FER1L6: variants seen among roughly 807,000 people sequenced by gnomAD.
The protein encoded by FER1L6 is fer-1-like protein 6.
In FER1L6, 177 loss-of-function variants were observed where a neutral mutation model predicts 219.2. The observed-to-expected ratio is 0.81, with a 90% CI of 0.71 to 0.91. FER1L6 has a LOEUF of 0.91. Among genes scored for constraint, FER1L6 ranks in the 40% least tolerant of loss-of-function variants. FER1L6 has a pLI of 0.00. For missense variants in FER1L6, 2,153 were observed against 2,259.9 expected, an observed-to-expected ratio of 0.95 and a Z score of 0.96; for synonymous variants, 768 against 824.3, an observed-to-expected ratio of 0.93 and a Z score of 1.17.
chr8:123,898,781 G>GTATATACATAGATACA (rs201509499), intron 1 of FER1L6, among the ~76,000 whole-genome samples: 1 of 135,844 alleles, frequency 7.4e-6, no homozygotes, highest in African/African-American at 2.9e-5. Flanking sequence ...GTATATATAC[G>GTATATACATAGATACA]TATGTACATA....
At chr8:124,016,206 C>T (rs1200299394) in intron 15 of FER1L6, among the ~76,000 whole-genome samples, 1 of 152,178 alleles carries the variant, frequency 6.6e-6, no homozygotes, top group Non-Finnish European at 1.5e-5. Flanking sequence ...CCTTCTGCCA[C>T]AAGAAAAGGC....
intron 1 of FER1L6, among the ~76,000 whole-genome samples, chr8:123,898,516 G>A (rs1400885866): frequency 6.6e-6 from 1 of 151,498 alleles, no homozygotes; most frequent in Admixed American, 6.6e-5. Flanking sequence ...CCTCATGTCA[G>A]TGAGAACATA....
chr8:124,011,214 A>G (rs1817905264), intron 14 of FER1L6, among the ~76,000 whole-genome samples: 1 of 152,084 alleles, frequency 6.6e-6, no homozygotes, highest in Non-Finnish European at 1.5e-5. Context: ...CTTCGCAGCC[A>G]CCCACCATGC....
intron 1 of FER1L6, among the ~76,000 whole-genome samples, chr8:123,859,434 C>A (rs1239831749): frequency 6.6e-6 from 1 of 152,018 alleles, no homozygotes; most frequent in Non-Finnish European, 1.5e-5. Flanking sequence ...ATCTTAGCAA[C>A]TTTGAATTCC....
intron 31 of FER1L6, among the ~76,000 whole-genome samples, chr8:124,072,868 T>G (rs1821136033): frequency 6.6e-6 from 1 of 152,220 alleles, no homozygotes; most frequent in African/African-American, 2.4e-5. Flanking sequence ...ACTTGGGTTT[T>G]GGGAGAAACA....
intron 40 of FER1L6, among the ~76,000 whole-genome samples, 163 bp downstream of exon 40, chr8:124,119,107 A>G (rs973509550): frequency 3.5e-4 from 53 of 152,236 alleles, no homozygotes; most frequent in African/African-American, 1.1e-3. Flanking sequence ...TTCGAAGAAA[A>G]AGCTAAATAT....
chr8:123,979,041 T>C (rs1213914998), intron 10 of FER1L6, among the ~76,000 whole-genome samples: 4 of 152,222 alleles, frequency 2.6e-5, no homozygotes, highest in Non-Finnish European at 5.9e-5. Flanking sequence ...TCCTTTTCAA[T>C]ACAATATTCT....
In FER1L6 at chr8:124,118,885, A is replaced by G; in HGVS notation, c.5331A>G (p.Glu1777=). 3.1e-6 allele frequency: 5 copies of G among 1,614,044 alleles called. No individual in the cohort carries two copies. Among genetic ancestry groups the G allele is most frequent in the Non-Finnish European group, 4.2e-6 (5 of 1,179,958 alleles). ...AGTTCCACCTAGTTACAGCAGAAGA[A>G]GCTGAGAAAAATCCTGTTGGAAAAG... The part of the protein sequence containing the change: ...EAEFHLVTAE[E]AEKNPVGKAR... The change falls in exon 40 of 41, where the codon GAA becomes GAG. Residue 1777 remains glutamate, a synonymous_variant. Coordinates refer to ENST00000522917, the MANE Select transcript of FER1L6 (RefSeq NM_001039112.2).
At chr8:123,970,713 G>A (rs779206687) in intron 6 of FER1L6, among the ~76,000 whole-genome samples, 2 of 152,150 alleles carry the variant, frequency 1.3e-5, no homozygotes, top group Admixed American at 1.3e-4. Context: ...TCTGCCAGGG[G>A]AAGTGCAGAT....
In FER1L6 at chr8:124,118,914, G is replaced by GA; in HGVS notation, c.5363dup (p.Glu1789GlyfsTer23). 6.2e-7 allele frequency: 1 copy of GA among 1,613,854 alleles called. No homozygotes were observed. The highest frequency in any genetic ancestry group is 8.5e-7 in the Non-Finnish European group (1 of 1,179,894). ...GAGAAAAATCCTGTTGGAAAAGCCC[G>GA]AAAGGAGCCAGAGCCCCTGGCCAAG... is the stretch of plus-strand genomic sequence containing the variant. On this transcript the variant is annotated frameshift_variant, in exon 40 of 41. Transcript: ENST00000522917. LOFTEE classifies it high-confidence loss of function.
chr8:124,115,318 G>T (rs1012288740), intron 39 of FER1L6, among the ~76,000 whole-genome samples: 1 of 151,814 alleles, frequency 6.6e-6, no homozygotes, highest in African/African-American at 2.4e-5. Context: ...GTTGAAACAG[G>T]ACAGGAAACC....
rs779417379 is a variant in FER1L6 at position 124,097,903 on chromosome 8, C to T, written c.4883+20C>T. 12 of 1,255,140 alleles carry T rather than the reference C, an allele frequency of 9.6e-6. No homozygotes were observed. In the East Asian group the frequency reaches 2.3e-4, roughly 24 times the overall value. 77.8% of individuals were successfully genotyped at this position (1,255,140 alleles called of 1,614,324 possible). On this transcript the variant is annotated intron_variant, in intron 37 of 40. Coordinates refer to ENST00000522917, the MANE Select transcript of FER1L6 (RefSeq NM_001039112.2). ...GAAAGGGTAAGGTTATCAACAAACTCCAACCTCCCATTTCCTTCCCTCCTC... is the reference window on the plus strand; with the variant it reads ...GAAAGGGTAAGGTTATCAACAAACTTCAACCTCCCATTTCCTTCCCTCCTC...
At position 124,021,582 on chromosome 8, in the gene FER1L6, TCAG is replaced by T. The variant is rs762544476; in HGVS notation, c.2053_2055del (p.Gln685del). On this transcript the variant is annotated inframe_deletion, in exon 17 of 41. Transcript: ENST00000522917. Reference sequence around the variant, plus strand: ...TGTGCAAGGAGGCCAAGGGGATCATTCAGCAGCAGAAGAAAAAGTTATCTGTTG... The same window carrying T: ...TGTGCAAGGAGGCCAAGGGGATCATTCAGCAGAAGAAAAAGTTATCTGTTG... 2.7e-5 allele frequency: 44 copies of T among 1,614,048 alleles called. No homozygotes were observed. Among genetic ancestry groups the T allele is most frequent in the Non-Finnish European group, 3.5e-5 (41 of 1,180,012 alleles).
At chr8:124,036,375 T>A (rs1308678833) in intron 19 of FER1L6, 1 of 152,228 alleles carries the variant, frequency 6.6e-6, no homozygotes, top group Non-Finnish European at 1.5e-5. Context: ...AAGAGCATTG[T>A]CTTTGGAAAA....
chr8:124,083,126 C>G (rs1177099125), intron 33 of FER1L6, among the ~76,000 whole-genome samples: 2 of 151,180 alleles, frequency 1.3e-5, no homozygotes, highest in Non-Finnish European at 2.9e-5. Flanking sequence ...TCTATCACCT[C>G]AAATATTTAT....
Position 124,039,736 on chromosome 8 carries a change from T to C in FER1L6, c.2465-146T>C, listed in dbSNP as rs61527843. On this transcript the variant is annotated intron_variant, in intron 19 of 40. Coordinates refer to ENST00000522917, the MANE Select transcript of FER1L6 (RefSeq NM_001039112.2). ...TCCCTTTCTTCAGGACTTCCATTCC[T>C]GTCTCAGAGGAGGGTGGATGTGGCT... The C allele has an allele frequency of 4.0e-3, 3,942 of 994,044 alleles. 145 individuals are homozygous for C. In the East Asian group the frequency reaches 0.072, roughly 18 times the overall value. The allele number at this position is 994,044 out of a possible 1,614,324, so 61.6% of individuals were successfully genotyped here.
intron 7 of FER1L6, among the ~76,000 whole-genome samples, chr8:123,974,456 T>C (rs947546835): frequency 2.0e-5 from 3 of 151,636 alleles, no homozygotes; most frequent in Non-Finnish European, 4.4e-5. Flanking sequence ...GCCAATATGG[T>C]GAAGCCCCAT....
At chr8:123,975,456 A>G (rs753145148) in intron 8 of FER1L6, 150 bp downstream of exon 8, 15 of 681,648 alleles carry the variant, frequency 2.2e-5, no homozygotes, top group Admixed American at 3.2e-5. Context: ...AGACACCAAG[A>G]TGTGTCCTAT....
chr8:123,969,846 G>A lies in FER1L6; in HGVS notation c.385-189G>A, dbSNP rs541424706. ...TGTGCCACTGCACTCCAACCTAGCC[G>A]ACAGAACAAAACCCTGTCTCCAAAA... On this transcript the variant is annotated intron_variant, in intron 5 of 40. Transcript: ENST00000522917. Among the ~76,000 whole-genome samples, 72 of 134,050 alleles carry A rather than the reference G, an allele frequency of 5.4e-4. No individual in the cohort carries two copies. The South Asian group carries it at 6.9e-3, about 13-fold the overall frequency. The allele number at this position is 134,050 out of a possible 152,430, so 87.9% of individuals were successfully genotyped here.
Sources: allele counts gnomAD v4.1 joint callset (sites outside exome capture counted in the v4.1 genomes callset), GRCh38; gene constraint gnomAD v4.1.1; transcripts MANE v1.5; gene names NCBI Gene and HGNC (gene_info 2026-07-23, HGNC 2026-07-21).